DNAH11: variants seen among roughly 807,000 people sequenced by gnomAD.
DNAH11 encodes axonemal beta dynein heavy chain 11.
In DNAH11, 442 loss-of-function variants were observed where a neutral mutation model predicts 526.0. The ratio of observed to expected loss-of-function variants is 0.84; its 90% CI spans 0.78 to 0.91. DNAH11 has a LOEUF of 0.91. Among genes scored for constraint, DNAH11 ranks in the 40% least tolerant of loss-of-function variants. The pLI, the probability that DNAH11 is intolerant of heterozygous loss-of-function variation, is 0.00. For missense variants in DNAH11, 6,989 were observed against 5,448.7 expected (o/e 1.28, Z -8.90); for synonymous variants, 2,461 against 1,935.9 (o/e 1.27, Z -7.12).
intron 41 of DNAH11, among the ~76,000 whole-genome samples, chr7:21,711,321 A>G (rs1583617305): frequency 6.6e-6 from 1 of 152,218 alleles, no homozygotes; most frequent in East Asian, 1.9e-4. Flanking sequence ...GACACTGTTC[A>G]TCATAAAATA....
At chr7:21,545,853 C>G (rs1023470863) in intron 2 of DNAH11, among the ~76,000 whole-genome samples, 29 of 152,186 alleles carry the variant, frequency 1.9e-4, no homozygotes, top group African/African-American at 6.5e-4. Context: ...TGCCAAATAA[C>G]CAGGTTCCAT....
intron 61 of DNAH11, among the ~76,000 whole-genome samples, chr7:21,791,364 T>G (rs1788472133): frequency 6.6e-6 from 1 of 152,228 alleles, no homozygotes; most frequent in Non-Finnish European, 1.5e-5. Context: ...AGGTGAGGCT[T>G]TTAGCAGGAG....
At chr7:21,785,784 ACT>A (rs1403379730) in intron 58 of DNAH11, among the ~76,000 whole-genome samples, 1 of 152,134 alleles carries the variant, frequency 6.6e-6, no homozygotes, top group African/African-American at 2.4e-5. Context: ...TCTTGCTTTC[ACT>A]CTGTTTCCAT....
At chr7:21,800,755 A>T (rs1401775575) in intron 61 of DNAH11, among the ~76,000 whole-genome samples, 1 of 152,346 alleles carries the variant, frequency 6.6e-6, no homozygotes, top group African/African-American at 2.4e-5. Context: ...GAGAAACCAA[A>T]CAAGTCACTG....
intron 81 of DNAH11, 73 bp downstream of exon 81, chr7:21,900,193 C>G (rs1784716058): frequency 1.4e-6 from 2 of 1,461,934 alleles, no homozygotes; most frequent in African/African-American, 2.8e-5. Flanking sequence ...CCTCTGCTTA[C>G]TGTTTCTCAG....
chr7:21,663,308 T>G (rs1782306528), intron 30 of DNAH11, among the ~76,000 whole-genome samples: 1 of 152,132 alleles, frequency 6.6e-6, no homozygotes, highest in African/African-American at 2.4e-5. Flanking sequence ...ATCTTTCTGA[T>G]GCAATGACTT....
intron 8 of DNAH11, among the ~76,000 whole-genome samples, chr7:21,580,167 T>C (rs1470986737): frequency 4.6e-5 from 7 of 152,160 alleles, no homozygotes; most frequent in African/African-American, 1.4e-4. Flanking sequence ...GTGACAGATA[T>C]CAGGGAGGGA....
intron 25 of DNAH11, among the ~76,000 whole-genome samples, chr7:21,624,141 G>A (rs1786217015): frequency 6.6e-6 from 1 of 152,042 alleles, no homozygotes; most frequent in African/African-American, 2.4e-5. Flanking sequence ...ATAACAGGTA[G>A]TACAATAGCA....
intron 65 of DNAH11, among the ~76,000 whole-genome samples, chr7:21,821,831 C>T (rs1790063303): frequency 6.6e-6 from 1 of 152,088 alleles, no homozygotes; most frequent in Non-Finnish European, 1.5e-5. Flanking sequence ...TGTACCCACT[C>T]ACCAGCTTTT....
intron 31 of DNAH11, among the ~76,000 whole-genome samples, chr7:21,682,091 C>G (rs1783166443): frequency 6.6e-6 from 1 of 152,122 alleles, no homozygotes; most frequent in Non-Finnish European, 1.5e-5. Context: ...ATACATTTCC[C>G]CTTGAAGAGA....
Position 21,639,977 on chromosome 7 carries a change from C to T in DNAH11, c.4944+912C>T, listed in dbSNP as rs1427559967. On this transcript the variant is annotated intron_variant, in intron 28 of 81. Coordinates refer to ENST00000409508, the MANE Select transcript of DNAH11 (RefSeq NM_001277115.2). ...CCTGAATTTTGCTGTTCTTTGGGCA[C>T]AGTATTTATCTTAATTATTTCTCTC... Among the ~76,000 whole-genome samples the T allele has an allele frequency of 3.4e-4, 52 of 151,982 alleles. 2 individuals are homozygous for T. The highest frequency in any genetic ancestry group is 3.4e-3 in the Admixed American group (52 of 15,250).
At chr7:21,776,910 A>G (rs1787693026) in intron 56 of DNAH11, among the ~76,000 whole-genome samples, 1 of 150,944 alleles carries the variant, frequency 6.6e-6, no homozygotes, top group Non-Finnish European at 1.5e-5. Flanking sequence ...CACAGACCTT[A>G]TTCAGATTTC....
rs1266458783 is a variant in DNAH11 at position 21,561,111 on chromosome 7, CAACTA to C, written c.927_931del (p.Ser312LeufsTer66). On this transcript the variant is annotated frameshift_variant, in exon 5 of 82. Transcript: ENST00000409508. LOFTEE classifies it high-confidence loss of function. The stretch of plus-strand genomic sequence containing the variant: ...GTCCTCAAAATGGTTAAGATCCTGA[CAACTA>C]AACAAAGCAGCTATTTTCCTACTCT... The C allele has an allele frequency of 1.2e-6, 2 of 1,604,734 alleles. No homozygotes were observed. Among genetic ancestry groups the C allele is most frequent in the Admixed American group, 3.4e-5 (2 of 58,944 alleles).
In DNAH11 at chr7:21,619,998, T is replaced by C. The variant is rs1785965895; in HGVS notation, c.4420T>C (p.Ser1474Pro). ...ISQTWATMKFSYEVHYRTGIP... is the reference protein window; with the variant it reads ...ISQTWATMKFPYEVHYRTGIP... Reference sequence around the variant, plus strand: ...TCAGACCTGGGCAACCATGAAGTTTTCTTACGAAGTTCACTATCGAACAGG... The same window carrying C: ...TCAGACCTGGGCAACCATGAAGTTTCCTTACGAAGTTCACTATCGAACAGG... The change falls in exon 25 of 82, where the codon TCT (serine) becomes CCT (proline). Residue 1474 changes from serine to proline, a missense_variant. Ser to Pro is a moderately conservative substitution (Grantham distance 74, BLOSUM62 -1). Coordinates refer to ENST00000409508, the MANE Select transcript of DNAH11 (RefSeq NM_001277115.2). 6.2e-7 allele frequency: 1 copy of C among 1,608,438 alleles called. No individual in the cohort carries two copies. The highest frequency in any genetic ancestry group is 8.5e-7 in the Non-Finnish European group (1 of 1,178,198).
At chr7:21,565,668 G>T (rs1480014537) in intron 6 of DNAH11, among the ~76,000 whole-genome samples, 1 of 152,192 alleles carries the variant, frequency 6.6e-6, no homozygotes, top group African/African-American at 2.4e-5. Flanking sequence ...CTTAAGGGAA[G>T]TTCAATTACT....
In DNAH11 at chr7:21,676,330, T is replaced by C. The variant is rs145440727; in HGVS notation, c.5329-5216T>C. 1.6e-3 allele frequency among the ~76,000 whole-genome samples: 241 copies of C among 152,308 alleles called. 1 individual carries two copies. In the Middle Eastern group the frequency reaches 0.024, roughly 15 times the overall value. ...TGCGATCAGTGGCAAGAATATGTAC[T>C]GATTACATGATAGGATATATTTTCT... On this transcript the variant is annotated intron_variant, in intron 30 of 81. Transcript: ENST00000409508.
intron 55 of DNAH11, among the ~76,000 whole-genome samples, chr7:21,772,813 AG>A (rs1212585263): frequency 6.6e-6 from 1 of 152,200 alleles, no homozygotes; most frequent in Non-Finnish European, 1.5e-5. Flanking sequence ...GTTCAGGAGC[AG>A]TTGTTTTTCA....
At chr7:21,889,933 T>C (rs1358427673) in intron 76 of DNAH11, among the ~76,000 whole-genome samples, 1 of 152,168 alleles carries the variant, frequency 6.6e-6, no homozygotes, top group African/African-American at 2.4e-5. Context: ...ATGGTTTTCT[T>C]AAAGTAAAAG....
intron 54 of DNAH11, among the ~76,000 whole-genome samples, chr7:21,758,061 C>G (rs1384644151): frequency 6.6e-6 from 1 of 152,202 alleles, no homozygotes; most frequent in Non-Finnish European, 1.5e-5. Flanking sequence ...CTTCACCCCT[C>G]CTGCAGCACA....
Sources: gnomAD v4.1 joint callset for allele counts (sites outside exome capture counted in the v4.1 genomes callset) on GRCh38, gnomAD v4.1.1 for gene constraint, MANE v1.5 for transcripts, NCBI Gene and HGNC (gene_info 2026-07-23, HGNC 2026-07-21) for gene names.